ENPP2: variants seen among roughly 807,000 people sequenced by gnomAD.
ENPP2 encodes autotaxin.
Under a neutral mutation model 120.2 loss-of-function variants are expected in ENPP2, and 51 were observed. The ratio of observed to expected loss-of-function variants is 0.42; its 90% CI spans 0.34 to 0.54. The LOEUF (loss-of-function observed/expected upper bound fraction) is 0.54. Among genes scored for constraint, ENPP2 ranks in the 20% least tolerant of loss-of-function variants. ENPP2 has a pLI of 0.04. For synonymous variants in ENPP2, 365 were observed against 366.4 expected (o/e 1.00, Z 0.04); for missense variants, 920 against 1,066.5 (o/e 0.86, Z 1.91).
intron 24 of ENPP2, among the ~76,000 whole-genome samples, chr8:119,562,646 T>C (rs569416909): frequency 4.6e-5 from 7 of 152,288 alleles, no homozygotes; most frequent in South Asian, 4.1e-4. Flanking sequence ...GATAGAATTA[T>C]GTTAAATGCA....
At chr8:119,631,993 A>G (rs757640139) in intron 2 of ENPP2, among the ~76,000 whole-genome samples, 26 of 152,316 alleles carry the variant, frequency 1.7e-4, no homozygotes, top group Non-Finnish European at 2.8e-4. Context: ...CGCCCAAGCC[A>G]TTTATCTGAA....
intron 13 of ENPP2, 103 bp downstream of exon 13, chr8:119,590,402 G>C: frequency 1.1e-6 from 1 of 903,848 alleles, no homozygotes; most frequent in Non-Finnish European, 1.6e-6. Context: ...AGCGGTAGCA[G>C]AGCCAGAATT....
At chr8:119,630,578 A>G (rs1425908445) in intron 2 of ENPP2, among the ~76,000 whole-genome samples, 1 of 152,202 alleles carries the variant, frequency 6.6e-6, no homozygotes, top group African/African-American at 2.4e-5. Context: ...GTCGGTCCCT[A>G]TCAGTTACAG....
chr8:119,625,029 G>A (rs1018763576), intron 3 of ENPP2, among the ~76,000 whole-genome samples: 4 of 152,170 alleles, frequency 2.6e-5, no homozygotes, highest in African/African-American at 9.7e-5. Flanking sequence ...ACATTCAAAA[G>A]AGAGCTAAGC....
At chr8:119,599,086 A>G (rs1814104171) in intron 11 of ENPP2, among the ~76,000 whole-genome samples, 1 of 152,230 alleles carries the variant, frequency 6.6e-6, no homozygotes, top group African/African-American at 2.4e-5. Flanking sequence ...AAGTCAATCT[A>G]AAAATAAAAC....
chr8:119,664,637 TGGCTTA>T (rs1226200128), intron 1 of ENPP2, among the ~76,000 whole-genome samples: 1 of 152,124 alleles, frequency 6.6e-6, no homozygotes, highest in Non-Finnish European at 1.5e-5. Flanking sequence ...AAGTAGTGGG[TGGCTTA>T]CACAATGAAA....
intron 1 of ENPP2, among the ~76,000 whole-genome samples, chr8:119,670,351 C>T (rs1459360165): frequency 6.6e-6 from 1 of 152,206 alleles, no homozygotes; most frequent in Non-Finnish European, 1.5e-5. Flanking sequence ...ACCTTTATTC[C>T]TTAGCATATT....
At chr8:119,609,454 G>T (rs896309992) in intron 8 of ENPP2, among the ~76,000 whole-genome samples, 2 of 152,096 alleles carry the variant, frequency 1.3e-5, no homozygotes, top group East Asian at 3.9e-4. Context: ...TGGGATGTTT[G>T]GAGACATAAG....
intron 2 of ENPP2, among the ~76,000 whole-genome samples, chr8:119,635,541 CT>C (rs1457058726): frequency 6.6e-6 from 1 of 152,218 alleles, no homozygotes; most frequent in Non-Finnish European, 1.5e-5. Context: ...TATAAAGTCT[CT>C]TGCAGTCTTA....
intron 22 of ENPP2, among the ~76,000 whole-genome samples, chr8:119,567,647 C>T (rs1470070937): frequency 1.3e-5 from 2 of 152,204 alleles, no homozygotes; most frequent in South Asian, 2.1e-4. Context: ...AAGGTCCTTT[C>T]GGCTCTTGCT....
In ENPP2 at chr8:119,569,249, A is replaced by T. The variant is rs1368022197; in HGVS notation, c.2039T>A (p.Phe680Tyr). The T allele has an allele frequency of 6.2e-7, 1 of 1,613,950 alleles. No individual in the cohort carries two copies. Among genetic ancestry groups the T allele is most frequent in the Non-Finnish European group, 8.5e-7 (1 of 1,179,936 alleles). ...YKNDKQMSYGFLFPPYLSSSP... is the reference protein window; with the variant it reads ...YKNDKQMSYGYLFPPYLSSSP... ...TCTTAACTTACAAGGAGGAAAGAGG[A>T]ATCCGTAGGACATCTGCTTATCATT... The change falls in exon 21 of 25, where the codon TTC becomes TAC. Residue 680 changes from phenylalanine (F) to tyrosine (Y), a missense_variant. Physicochemically the swap from Phe to Tyr is conservative, Grantham distance 22. Transcript: ENST00000075322.
intron 11 of ENPP2, among the ~76,000 whole-genome samples, chr8:119,594,767 T>G (rs1285449352): frequency 2.0e-5 from 3 of 152,152 alleles, no homozygotes; most frequent in African/African-American, 7.2e-5. Context: ...TAGATGAATT[T>G]TATAGCTTAG....
At chr8:119,637,304 C>T (rs546879840) in intron 2 of ENPP2, among the ~76,000 whole-genome samples, 1 of 152,278 alleles carries the variant, frequency 6.6e-6, no homozygotes, top group East Asian at 1.9e-4. Flanking sequence ...ATTTGGCTCC[C>T]TGGGGCTGCA....
intron 1 of ENPP2, among the ~76,000 whole-genome samples, chr8:119,647,517 A>T (rs1395024782): frequency 2.0e-5 from 3 of 152,188 alleles, no homozygotes; most frequent in Non-Finnish European, 4.4e-5. Context: ...CTTCACTTGT[A>T]AAGGAGAGTT....
In ENPP2 at chr8:119,593,856, G is replaced by T. The variant is rs1563709254; in HGVS notation, c.977C>A (p.Thr326Lys). ...HKYGPFGPEMTNPLREIDKIV... is the reference protein window; with the variant it reads ...HKYGPFGPEMKNPLREIDKIV... ...TTTGTCGATTTCCCTCAGAGGATTT[G>T]TCATCTAGGAAAAAGAAGCAAGTTA... is the stretch of plus-strand genomic sequence containing the variant. Residue 326 changes from threonine to lysine, a missense_variant, in exon 12 of 25, where the codon ACA becomes AAA. Physicochemically the swap from Thr to Lys is moderately conservative, Grantham distance 78. Transcript: ENST00000075322. 2 of 1,594,208 alleles carry T rather than the reference G, an allele frequency of 1.3e-6. No individual in the cohort carries two copies. Among genetic ancestry groups the T allele is most frequent in the Non-Finnish European group, 1.7e-6 (2 of 1,161,902 alleles).
In ENPP2 at chr8:119,601,429, T is replaced by C; in HGVS notation, c.867A>G (p.Ile289Met). ...GATCTGGCAGGGTGAGCCACTGCAATATGGTTAATATTCTCCGCTCGTGAG... is the reference window on the plus strand; with the variant it reads ...GATCTGGCAGGGTGAGCCACTGCAACATGGTTAATATTCTCCGCTCGTGAG... ...VIPHERRILTILQWLTLPDHE... is the reference protein window; with the variant it reads ...VIPHERRILTMLQWLTLPDHE... The change falls in exon 10 of 25, where the codon ATA becomes ATG. Residue 289 changes from isoleucine to methionine, a missense_variant. Ile to Met is a conservative substitution (Grantham distance 10). Transcript: ENST00000075322. 2 of 1,612,314 alleles carry C rather than the reference T, an allele frequency of 1.2e-6. No homozygotes were observed. Among genetic ancestry groups the C allele is most frequent in the Non-Finnish European group, 1.7e-6 (2 of 1,178,480 alleles).
In ENPP2 at chr8:119,617,579, A is replaced by G. The variant is rs1014636404; in HGVS notation, c.480-16T>C. 6.4e-7 allele frequency: 1 copy of G among 1,560,304 alleles called. No homozygotes were observed. Among genetic ancestry groups the G allele is most frequent in the Non-Finnish European group, 8.8e-7 (1 of 1,132,660 alleles). On this transcript the variant is annotated splice_polypyrimidine_tract_variant and intron_variant, in intron 5 of 24. Transcript: ENST00000075322. ...GCGAACAAACCTTAAACAGTAACACATTAAGCTTTTAGAAACATTATTACC... is the reference window on the plus strand; with the variant it reads ...GCGAACAAACCTTAAACAGTAACACGTTAAGCTTTTAGAAACATTATTACC...
At chr8:119,669,270 T>C (rs2013743) in intron 1 of ENPP2, among the ~76,000 whole-genome samples, 54,915 of 152,018 alleles carry the variant, frequency 0.36, 10,235 homozygotes, top group East Asian at 0.55. Context: ...TTTTCTAATC[T>C]AGAAGAAGAT....
intron 1 of ENPP2, among the ~76,000 whole-genome samples, chr8:119,665,611 A>G (rs753080225): frequency 6.6e-6 from 1 of 152,226 alleles, no homozygotes; most frequent in Non-Finnish European, 1.5e-5. Flanking sequence ...TCAGTTATCA[A>G]TCCCTTCTGT....
Sources: gnomAD v4.1 joint callset for allele counts (sites outside exome capture counted in the v4.1 genomes callset) on GRCh38, gnomAD v4.1.1 for gene constraint, MANE v1.5 for transcripts, NCBI Gene and HGNC (gene_info 2026-07-23, HGNC 2026-07-21) for gene names.